The following MYPN variants were observed in gnomAD, a reference collection of about 807,000 sequenced individuals.
MYPN encodes myopalladin.
Under a neutral mutation model 129.4 loss-of-function variants are expected in MYPN, and 63 were observed. That is an observed-to-expected ratio of 0.49 (90% CI 0.40 to 0.60). MYPN has a LOEUF of 0.60. Among genes scored for constraint, MYPN ranks in the 20% least tolerant of loss-of-function variants. The pLI, the probability that MYPN is intolerant of heterozygous loss-of-function variation, is 0.00. For missense variants in MYPN, 1,596 were observed against 1,635.4 expected, an observed-to-expected ratio of 0.98 and a Z score of 0.42; for synonymous variants, 629 against 600.9, an observed-to-expected ratio of 1.05 and a Z score of -0.68.
chr10:68,114,832 T>C (rs2042132616), intron 1 of MYPN, among the ~76,000 whole-genome samples: 1 of 152,262 alleles, frequency 6.6e-6, no homozygotes, highest in Admixed American at 6.5e-5. Context: ...ATTAATTGTT[T>C]CATTTCCAAT....
At chr10:68,116,908 A>G (rs1014175533) in intron 1 of MYPN, among the ~76,000 whole-genome samples, 6 of 151,940 alleles carry the variant, frequency 3.9e-5, no homozygotes, top group Non-Finnish European at 8.8e-5. Context: ...TATCTGTCCT[A>G]TTTTATCCTA....
rs2043897373 is a variant in MYPN, at chr10:68,210,636, T to A, written c.*181T>A. ...TGCAGTCTCAGCTGAGGGAGAAAGG[T>A]AGGGCTGTGCCTTCTAAAGATTCCA... On this transcript the variant is annotated 3_prime_UTR_variant, in exon 20 of 20. Transcript: ENST00000358913. The A allele has an allele frequency of 5.5e-6, 4 of 728,774 alleles. No homozygotes were observed. Among genetic ancestry groups the A allele is most frequent in the African/African-American group, 5.2e-5 (3 of 57,906 alleles). 45.1% of individuals were successfully genotyped at this position (728,774 alleles called of 1,614,324 possible). A position where few individuals can be genotyped will look rare whatever the true frequency, so the allele number is the denominator to read the frequency against.
At chr10:68,163,489 C>T (rs544596641) in intron 8 of MYPN, among the ~76,000 whole-genome samples, 152 of 151,884 alleles carry the variant, frequency 1.0e-3, no homozygotes, top group African/African-American at 3.5e-3. Flanking sequence ...ATTAGCCCGG[C>T]GTGGTGGCGG....
intron 1 of MYPN, among the ~76,000 whole-genome samples, chr10:68,096,642 A>T (rs2041957945): frequency 6.6e-6 from 1 of 152,244 alleles, no homozygotes; most frequent in African/African-American, 2.4e-5. Context: ...TTTGTATTTG[A>T]CATCTGTCCC....
At chr10:68,106,497 TA>T, upstream of MYPN, 1 of 574,918 alleles carries the variant, frequency 1.7e-6, no homozygotes, top group East Asian at 3.2e-5. Flanking sequence ...TAAAAATGGC[TA>T]AAAAATACAT....
chr10:68,108,246 C>G (rs1475177288), upstream of MYPN, among the ~76,000 whole-genome samples: 1 of 151,936 alleles, frequency 6.6e-6, no homozygotes, highest in African/African-American at 2.4e-5. Flanking sequence ...CTTTTTTTGC[C>G]TGTGTAAGCA....
At position 68,095,350 on chromosome 10, in the gene MYPN, A is replaced by AAAG. The variant is rs1491573000; in HGVS notation, c.-2+7360_-2+7361insGAA. ...GGGTGACAGAGTCAGTCCCTGTCTC[A>AAAG]AAAAAAAAAAAAAAAATTATAAGGC... On this transcript the variant is annotated intron_variant, in intron 1 of 6. Coordinates refer to the MYPN transcript ENST00000685154. Among the ~76,000 whole-genome samples the AAAG allele has an allele frequency of 1.0e-4, 9 of 88,162 alleles. No individual in the cohort carries two copies. The African/African-American group carries it at 1.3e-3, about 13-fold the overall frequency. The allele number at this position is 88,162 out of a possible 152,430, so 57.8% of individuals were successfully genotyped here.
chr10:68,174,392 AC>A lies in MYPN; in HGVS notation c.2304del (p.Ser769LeufsTer92), dbSNP rs765874590. ...AGCAAAGAAAGCCTCTTAGTGTCTC[AC>A]CCCTCTGTGCAAACCAAATCTCCAG... is the stretch of plus-strand genomic sequence containing the variant. ...TVSKESLLVS[H>X]PSVQTKSPGG... On this transcript the variant is annotated frameshift_variant, in exon 11 of 20. Transcript: ENST00000358913. LOFTEE classifies it high-confidence loss of function. 1.2e-6 allele frequency: 2 copies of A among 1,613,892 alleles called. No individual in the cohort carries two copies. Among genetic ancestry groups the A allele is most frequent in the Admixed American group, 3.3e-5 (2 of 59,976 alleles).
intron 12 of MYPN, among the ~76,000 whole-genome samples, chr10:68,183,393 CAA>C (rs1435680672): frequency 6.6e-6 from 1 of 151,644 alleles, no homozygotes; most frequent in Non-Finnish European, 1.5e-5. Context: ...GCCCAGGAGG[CAA>C]AGTTTGCAAG....
At chr10:68,146,039 A>T (rs554048607) in intron 4 of MYPN, among the ~76,000 whole-genome samples, 1 of 152,206 alleles carries the variant, frequency 6.6e-6, no homozygotes, top group African/African-American at 2.4e-5. Flanking sequence ...AGAGATCAAG[A>T]TTCTGATCCT....
Position 68,211,932 on chromosome 10 carries a change from A to G in MYPN, c.*1477A>G, listed in dbSNP as rs2043924110. On this transcript the variant is annotated 3_prime_UTR_variant, in exon 20 of 20. Transcript: ENST00000358913. ...GCTGGCATTGTATTTGTGTGAACAGACAGTAACTGCTTAGAAAGGCTTGAA... is the reference window on the plus strand; with the variant it reads ...GCTGGCATTGTATTTGTGTGAACAGGCAGTAACTGCTTAGAAAGGCTTGAA... 7.6e-6 allele frequency: 3 copies of G among 396,008 alleles called. No homozygotes were observed. Among genetic ancestry groups the G allele is most frequent in the Non-Finnish European group, 1.0e-5 (2 of 198,262 alleles). 24.5% of individuals were successfully genotyped at this position (396,008 alleles called of 1,614,324 possible).
At chr10:68,093,720 G>T (rs1271947147) in intron 1 of MYPN, among the ~76,000 whole-genome samples, 3 of 151,366 alleles carry the variant, frequency 2.0e-5, no homozygotes, top group Non-Finnish European at 4.4e-5. Flanking sequence ...TCGCACCACT[G>T]CACTCCAGCC....
At chr10:68,178,845 G>C (rs1342426152) in intron 12 of MYPN, among the ~76,000 whole-genome samples, 1 of 151,984 alleles carries the variant, frequency 6.6e-6, no homozygotes, top group Non-Finnish European at 1.5e-5. Context: ...TGTTGACTGA[G>C]TGTTAATTTC....
intron 4 of MYPN, among the ~76,000 whole-genome samples, chr10:68,147,889 C>A (rs764908138): frequency 6.6e-6 from 1 of 152,174 alleles, no homozygotes; most frequent in Non-Finnish European, 1.5e-5. Flanking sequence ...GCCATTTCTA[C>A]TTTCTGCCAT....
In MYPN at chr10:68,116,231, A is replaced by G. The variant is rs376033904; in HGVS notation, c.-1-5207A>G. Among the ~76,000 whole-genome samples the G allele has an allele frequency of 5.9e-5, 9 of 152,272 alleles. 1 individual carries two copies. In the East Asian group the frequency reaches 1.7e-3, roughly 29 times the overall value. The stretch of plus-strand genomic sequence containing the variant: ...ATGATTTTTTTTAAGTACAAATTTT[A>G]TAATAGTTATAAAATTAATGCTTAA... On this transcript the variant is annotated intron_variant, in intron 1 of 19. Transcript: ENST00000358913.
chr10:68,105,000 C>G (rs1238938960), upstream of MYPN, among the ~76,000 whole-genome samples: 1 of 152,058 alleles, frequency 6.6e-6, no homozygotes, highest in Non-Finnish European at 1.5e-5. Flanking sequence ...GCCAGGCTGG[C>G]TTTGAACTCC....
At position 68,143,135 on chromosome 10, in the gene MYPN, G is replaced by A. The variant is rs767156638; in HGVS notation, c.1078+20G>A. ...TAGAAGGTAAAACAAAATGCTCTTG[G>A]AGTATGACACTTAATAGTAAGACAT... is the stretch of plus-strand genomic sequence containing the variant. On this transcript the variant is annotated intron_variant, in intron 3 of 19. Transcript: ENST00000358913. 30 of 1,608,636 alleles carry A rather than the reference G, an allele frequency of 1.9e-5. No individual in the cohort carries two copies. The highest frequency in any genetic ancestry group is 1.3e-4 in the South Asian group (12 of 90,906).
chr10:68,203,720 C>CAGAGAGAGAG (rs371058853), intron 18 of MYPN, among the ~76,000 whole-genome samples: 2,372 of 115,690 alleles, frequency 0.021, 36 homozygotes, highest in African/African-American at 0.024. Context: ...CATACACACA[C>CAGAGAGAGAG]AGAGAGAGAG....
intron 1 of MYPN, among the ~76,000 whole-genome samples, chr10:68,100,139 T>C (rs527990203): frequency 9.9e-5 from 15 of 152,234 alleles, no homozygotes; most frequent in Non-Finnish European, 1.8e-4. Flanking sequence ...GCATATAATT[T>C]TTTCAGTTTC....
Sources: allele counts gnomAD v4.1 joint callset (sites outside exome capture counted in the v4.1 genomes callset), GRCh38; gene constraint gnomAD v4.1.1; transcripts MANE v1.5; gene names NCBI Gene and HGNC (gene_info 2026-07-23, HGNC 2026-07-21).